ITFG2: variants seen among roughly 807,000 people sequenced by gnomAD.
ITFG2 encodes the protein integrin alpha FG-GAP repeat containing 2.
A neutral mutation model predicts 54.4 loss-of-function variants in ITFG2; 36 were observed. That is an observed-to-expected ratio of 0.66 (90% CI 0.51 to 0.87). The LOEUF is 0.87. Among genes scored for constraint, ITFG2 ranks in the 40% least tolerant of loss-of-function variants. ITFG2 has a pLI of 0.00. For synonymous variants in ITFG2, 211 were observed against 225.4 expected (o/e 0.94, Z 0.57); for missense variants, 524 against 576.7 (o/e 0.91, Z 0.94).
intron 1 of ITFG2, among the ~76,000 whole-genome samples, chr12:2,814,995 C>T (rs1230837367): frequency 1.8e-4 from 27 of 148,028 alleles, no homozygotes; most frequent in African/African-American, 3.5e-4. Context: ...TTTTTTGAGA[C>T]GGAGTTTCAC....
At chr12:2,820,274 G>T in intron 5 of ITFG2, 49 bp downstream of exon 5, 1 of 1,513,424 alleles carries the variant, frequency 6.6e-7, no homozygotes, top group Non-Finnish European at 8.8e-7. Flanking sequence ...TGGGAGGAAG[G>T]TCTCCTGGAG....
Position 2,812,837 on chromosome 12 carries a change from G to C in ITFG2, c.77G>C (p.Gly26Ala), listed in dbSNP as rs1280545207. 2 of 1,612,576 alleles carry C rather than the reference G, an allele frequency of 1.2e-6. No homozygotes were observed. Among genetic ancestry groups the C allele is most frequent in the East Asian group, 2.2e-5 (1 of 44,846 alleles). Residue 26 changes from glycine to alanine, a missense_variant, in exon 1 of 12, where the codon GGA (glycine) becomes GCA (alanine). Gly to Ala is a moderately conservative substitution (Grantham distance 60). Coordinates refer to ENST00000228799, the MANE Select transcript of ITFG2 (RefSeq NM_018463.4). ...CTCTTCCCGCACGCAATCTGCCTCG[G>C]AGACGTTGATAACGATACGGTAGGT... ...GSLFPHAICL[G>A]DVDNDTLNEL...
rs2098102044 is a variant in ITFG2, at chr12:2,859,184, A to T, written n.621-350A>T. The T allele has an allele frequency of 6.8e-6, 11 of 1,610,414 alleles. No homozygotes were observed. In the East Asian group the frequency reaches 2.5e-4, roughly 36 times the overall value. The stretch of plus-strand genomic sequence containing the variant: ...AGTAGCTGAGCTGGGAGGCAGGGTC[A>T]GAGGAGTCTGCTGGGAACGGGAGCT... On this transcript the variant is annotated intron_variant and non_coding_transcript_variant, in intron 3 of 3. Coordinates refer to the ITFG2 transcript ENST00000537710.
At chr12:2,837,706 A>G (rs1383606370) in intron 1 of ITFG2, among the ~76,000 whole-genome samples, 4 of 151,994 alleles carry the variant, frequency 2.6e-5, no homozygotes, top group East Asian at 3.9e-4. Context: ...GCATGTACCT[A>G]TAGTCTCAAC....
upstream of ITFG2, among the ~76,000 whole-genome samples, chr12:2,835,990 A>G (rs554159695): frequency 6.6e-6 from 1 of 152,344 alleles, no homozygotes; most frequent in Non-Finnish European, 1.5e-5. Context: ...GCTGTGTAAC[A>G]TAGTATTCCA....
chr12:2,812,974 T>G (rs769863604), intron 1 of ITFG2, 118 bp downstream of exon 1: 186 of 831,760 alleles, frequency 2.2e-4, no homozygotes, highest in Non-Finnish European at 2.6e-4. Flanking sequence ...GTGGCTAGTT[T>G]GGAGCGCTAG....
intron 2 of ITFG2, among the ~76,000 whole-genome samples, chr12:2,851,373 ACT>A (rs2098070317): frequency 6.6e-6 from 1 of 151,838 alleles, no homozygotes; most frequent in African/African-American, 2.4e-5. Flanking sequence ...ATGGAGTCTG[ACT>A]CTGTCCCTGA....
rs746170998 is a variant in ITFG2 at position 2,817,924 on chromosome 12, G to A, written c.208G>A (p.Val70Ile). 8.1e-6 allele frequency: 13 copies of A among 1,613,892 alleles called. No homozygotes were observed. The highest frequency in any genetic ancestry group is 2.7e-5 in the African/African-American group (2 of 74,910). ...SCQGMLTCVG[V>I]GDVCNKGKNL... Reference sequence around the variant, plus strand: ...TCTCTTACAGCTGACTTGCGTTGGGGTTGGAGACGTGTGTAATAAAGGAAA... The same window carrying A: ...TCTCTTACAGCTGACTTGCGTTGGGATTGGAGACGTGTGTAATAAAGGAAA... Residue 70 changes from valine (V) to isoleucine (I), a missense_variant, in exon 3 of 12, where the codon GTT becomes ATT. Val to Ile is a conservative substitution (Grantham distance 29, BLOSUM62 3). Transcript: ENST00000228799.
chr12:2,858,781 A>G, intron 3 of ITFG2: 1 of 1,614,160 alleles, frequency 6.2e-7, no homozygotes, highest in Non-Finnish European at 8.5e-7. Flanking sequence ...TCTGTCAGAG[A>G]ACGATTGGCT....
At chr12:2,838,282 C>A (rs1409738177) in intron 1 of ITFG2, among the ~76,000 whole-genome samples, 2 of 152,212 alleles carry the variant, frequency 1.3e-5, no homozygotes, top group Admixed American at 1.3e-4. Context: ...TTATTCTTAG[C>A]AATTCATTCC....
At chr12:2,847,904 CT>C (rs2098057939) in intron 2 of ITFG2, among the ~76,000 whole-genome samples, 1 of 152,192 alleles carries the variant, frequency 6.6e-6, no homozygotes, top group African/African-American at 2.4e-5. Flanking sequence ...CTTTTTATGG[CT>C]ACATAATATT....
rs948991029 is a variant in ITFG2 at position 2,820,799 on chromosome 12, G to A, written c.622G>A (p.Ala208Thr). The A allele has an allele frequency of 6.2e-7, 1 of 1,614,042 alleles. No homozygotes were observed. The highest frequency in any genetic ancestry group is 1.7e-5 in the Admixed American group (1 of 60,014). Residue 208 changes from alanine (A) to threonine (T), a missense_variant, in exon 6 of 12, where the codon GCA (alanine) becomes ACA (threonine). Transcript: ENST00000228799. ...GGTGTCTCAGCCAGGTTGTGCGTAT[G>A]CAATTCTACTGTGTACCTGGAAAAA... ...LMVSQPGCAYAILLCTWKKDT... is the reference protein window; with the variant it reads ...LMVSQPGCAYTILLCTWKKDT...
In ITFG2 at chr12:2,830,632, A is replaced by G. The variant is rs770690617; in HGVS notation, c.*60-202A>G. 1.4e-5 allele frequency: 21 copies of G among 1,463,788 alleles called. No individual in the cohort carries two copies. In the Admixed American group the frequency reaches 3.1e-4, roughly 22 times the overall value. The allele number at this position is 1,463,788 out of a possible 1,614,324, so 90.7% of individuals were successfully genotyped here. ...CCCTCCCTCCCTCTCCCATCAGGGC[A>G]GAGCAGAAAGGAGAGCAGGTGAAGT... On this transcript the variant is annotated intron_variant and NMD_transcript_variant, in intron 2 of 2. Transcript: ENST00000538822.
At position 2,823,828 on chromosome 12, in the gene ITFG2, C is replaced by T; in HGVS notation, c.1125C>T (p.Asn375=). ...CCTGCCTCGTATATGTCACTTTCAA[C>T]CAGAAGATCTATGTGTACTGGGAGG... The part of the protein sequence containing the change: ...NSPCLVYVTF[N]QKIYVYWEVQ... The change falls in exon 11 of 12, where the codon AAC becomes AAT. Residue 375 remains asparagine, a synonymous_variant. Coordinates refer to ENST00000228799, the MANE Select transcript of ITFG2 (RefSeq NM_018463.4). The T allele has an allele frequency of 1.9e-6, 3 of 1,609,098 alleles. No individual in the cohort carries two copies. Among genetic ancestry groups the T allele is most frequent in the East Asian group, 2.2e-5 (1 of 44,776 alleles).
chr12:2,822,965 G>GCC, intron 10 of ITFG2, 54 bp downstream of exon 10: 1 of 1,344,336 alleles, frequency 7.4e-7, no homozygotes, highest in Non-Finnish European at 1.1e-6. Flanking sequence ...AGATAGGCGT[G>GCC]TTAGGCATGC....
chr12:2,859,135 TA>T, intron 3 of ITFG2: 2 of 1,606,046 alleles, frequency 1.2e-6, no homozygotes, highest in African/African-American at 2.7e-5. Context: ...ATGGGTGTCT[TA>T]AAAGGTCCTC....
At chr12:2,833,907 A>T (rs2098015350), upstream of ITFG2, among the ~76,000 whole-genome samples, 1 of 152,256 alleles carries the variant, frequency 6.6e-6, no homozygotes, top group African/African-American at 2.4e-5. Flanking sequence ...TAAATGGCAG[A>T]GCCAGGATCT....
At chr12:2,837,986 A>G (rs1171936863) in intron 1 of ITFG2, among the ~76,000 whole-genome samples, 1 of 152,228 alleles carries the variant, frequency 6.6e-6, no homozygotes, top group Admixed American at 6.5e-5. Context: ...AAAGAAAACC[A>G]AACTGCAATA....
At chr12:2,812,918 G>C in intron 1 of ITFG2, 62 bp downstream of exon 1, 1 of 1,396,960 alleles carries the variant, frequency 7.2e-7, no homozygotes, top group Non-Finnish European at 1.0e-6. Flanking sequence ...CAAGGGAAGT[G>C]GAAGAGGCCG....
Sources: gnomAD v4.1 joint callset for allele counts (sites outside exome capture counted in the v4.1 genomes callset) on GRCh38, gnomAD v4.1.1 for gene constraint, MANE v1.5 for transcripts, NCBI Gene and HGNC (gene_info 2026-07-23, HGNC 2026-07-21) for gene names.